Variants in OXNAD1 observed in about 807,000 individuals in gnomAD.
The protein encoded by OXNAD1 is oxidoreductase NAD binding domain containing 1.
In OXNAD1, 34 loss-of-function variants were observed where a neutral mutation model predicts 32.9. That is an observed-to-expected ratio of 1.03 (90% CI 0.79 to 1.38). OXNAD1 has a LOEUF of 1.38. OXNAD1 is among the 40% of genes most tolerant of loss of function. The probability of loss-of-function intolerance (pLI) is 0.00; values close to 1 mark genes in which losing one functional copy is unlikely to be tolerated. For missense variants in OXNAD1, 407 were observed against 379.4 expected (o/e 1.07, Z -0.60); for synonymous variants, 134 against 135.2 (o/e 0.99, Z 0.06).
At position 16,302,554 on chromosome 3, in the gene OXNAD1, G is replaced by T; in HGVS notation, c.676-86G>T. 1 of 849,356 alleles carries T rather than the reference G, an allele frequency of 1.2e-6. No individual in the cohort carries two copies. The highest frequency in any genetic ancestry group is 1.9e-6 in the Non-Finnish European group (1 of 520,640). 52.6% of individuals were successfully genotyped at this position (849,356 alleles called of 1,614,324 possible). Reference sequence around the variant, plus strand: ...GAGAGCGGCAGACGTGTGCAGAATGGGAGTTGAGGTTCAGCGTCAATGGTT... The same window carrying T: ...GAGAGCGGCAGACGTGTGCAGAATGTGAGTTGAGGTTCAGCGTCAATGGTT... On this transcript the variant is annotated intron_variant, in intron 7 of 8. Transcript: ENST00000285083. The surrounding 1 kb of genome is among the most constrained non-coding windows in gnomAD (Gnocchi z 4.2).
At chr3:16,349,391 A>C (rs2071942976) in exon 10 of OXNAD1, 1 of 152,306 alleles carries the variant, frequency 6.6e-6, no homozygotes, top group African/African-American at 2.4e-5. Context: ...GGGGTACCTG[A>C]GCCTCCAGGG....
intron 4 of OXNAD1, chr3:16,272,375 T>A (rs937050545): frequency 3.5e-5 from 8 of 231,422 alleles, no homozygotes; most frequent in Non-Finnish European, 6.2e-5. Context: ...GATTTTGCTT[T>A]TTTGAATGTT....
intron 9 of OXNAD1, among the ~76,000 whole-genome samples, chr3:16,332,163 GA>G (rs1298441808): frequency 4.0e-5 from 6 of 151,746 alleles, no homozygotes; most frequent in Non-Finnish European, 8.8e-5. Context: ...CTTCAGTTCT[GA>G]AAAATGTATT....
rs1337589517 is a variant in OXNAD1 at position 16,305,479 on chromosome 3, AT to A, written c.*1918del. Reference sequence around the variant, plus strand: ...GTCATCACCTTTGCCTGGAGTGTTCATCCTTTCAGTGCCATTATTCTGGTGC... The same window carrying A: ...GTCATCACCTTTGCCTGGAGTGTTCACCTTTCAGTGCCATTATTCTGGTGC... On this transcript the variant is annotated 3_prime_UTR_variant, in exon 9 of 9. Coordinates refer to ENST00000285083, the MANE Select transcript of OXNAD1 (RefSeq NM_138381.5). This position sits in a 1 kb window ranked among gnomAD's most constrained non-coding sequence, Gnocchi z 4.5. The A allele has an allele frequency of 6.6e-6, 1 of 152,264 alleles. No individual in the cohort carries two copies. 9.4% of individuals were successfully genotyped at this position (152,264 alleles called of 1,614,324 possible).
At chr3:16,286,152 A>T (rs1310944466) in intron 4 of OXNAD1, among the ~76,000 whole-genome samples, 190 bp from the exon 5 acceptor site, 1 of 152,242 alleles carries the variant, frequency 6.6e-6, no homozygotes, top group Non-Finnish European at 1.5e-5. Flanking sequence ...AGTCTCTCAA[A>T]AAAAAGTTAA....
chr3:16,302,850 GAA>G lies in OXNAD1; in HGVS notation c.784+103_784+104del, dbSNP rs1333014858. The G allele has an allele frequency of 5.8e-6, 5 of 860,250 alleles. No individual in the cohort carries two copies. The highest frequency in any genetic ancestry group is 9.4e-6 in the Non-Finnish European group (5 of 533,028). The allele number at this position is 860,250 out of a possible 1,614,324, so 53.3% of individuals were successfully genotyped here. On this transcript the variant is annotated intron_variant, in intron 8 of 8. Coordinates refer to ENST00000285083, the MANE Select transcript of OXNAD1 (RefSeq NM_138381.5). The surrounding 1 kb of genome is among the most constrained non-coding windows in gnomAD (Gnocchi z 4.2). The stretch of plus-strand genomic sequence containing the variant: ...TTTATTGTTGGAAGCTGCTGGCTGG[GAA>G]TGTCACTATCTGGGGAATTGGGATG...
downstream of OXNAD1, among the ~76,000 whole-genome samples, chr3:16,338,941 GCTTA>G (rs558195061): frequency 9.9e-4 from 151 of 152,314 alleles, 1 homozygote; most frequent in Admixed American, 9.4e-3. This position sits in a 1 kb window ranked among gnomAD's most constrained non-coding sequence, Gnocchi z 5.3. Context: ...ATTCCTAACA[GCTTA>G]CTGATAATCA....
In OXNAD1 at chr3:16,278,748, G is replaced by T. The variant is rs527896634; in HGVS notation, c.183+7026G>T. 2.4e-4 allele frequency among the ~76,000 whole-genome samples: 36 copies of T among 152,346 alleles called. No individual in the cohort carries two copies. The Middle Eastern group carries it at 0.014, about 58-fold the overall frequency. ...AATTGAGCAATGTGTTACTAGGCATGAGAAACGGGGGAGATACTGATGGCA... is the reference window on the plus strand; with the variant it reads ...AATTGAGCAATGTGTTACTAGGCATTAGAAACGGGGGAGATACTGATGGCA... On this transcript the variant is annotated intron_variant, in intron 4 of 8. Coordinates refer to ENST00000285083, the MANE Select transcript of OXNAD1 (RefSeq NM_138381.5).
rs1356042581 is a variant in OXNAD1, at chr3:16,303,645, T to A, written c.*83T>A. On this transcript the variant is annotated 3_prime_UTR_variant, in exon 9 of 9. Transcript: ENST00000285083. The surrounding 1 kb of genome is among the most constrained non-coding windows in gnomAD (Gnocchi z 4.8). ...CCTTTGTGGCATGATTAATTTTTTT[T>A]ATCTCTACTTGAGTTGTCTTATTTT... 7.1e-7 allele frequency: 1 copy of A among 1,415,718 alleles called. No individual in the cohort carries two copies. The highest frequency in any genetic ancestry group is 9.4e-7 in the Non-Finnish European group (1 of 1,059,406). The allele number at this position is 1,415,718 out of a possible 1,614,324, so 87.7% of individuals were successfully genotyped here.
downstream of OXNAD1, among the ~76,000 whole-genome samples, chr3:16,307,591 G>A (rs1365946334): frequency 2.0e-5 from 3 of 152,228 alleles, no homozygotes; most frequent in Non-Finnish European, 4.4e-5. Context: ...AGGAGTAATT[G>A]AGAGGAAATC....
chr3:16,289,923 G>A lies in OXNAD1; in HGVS notation c.290+3475G>A, dbSNP rs1365392124. 6.6e-6 allele frequency among the ~76,000 whole-genome samples: 1 copy of A among 152,196 alleles called. No individual in the cohort carries two copies. Among genetic ancestry groups the A allele is most frequent in the African/African-American group, 2.4e-5 (1 of 41,454 alleles). On this transcript the variant is annotated intron_variant, in intron 5 of 8. Transcript: ENST00000285083. The surrounding 1 kb of genome is among the most constrained non-coding windows in gnomAD (Gnocchi z 4.9). ...TGGGTTCATTGAGGGCAGCAACTAA[G>A]ACATATGTGCATCTTTGTACCTCCA...
rs967091601 is a variant in OXNAD1, at chr3:16,303,225, G to A, written c.785-183G>A. ...TTGCTTGCTTAGGTTTAGGAAGCCT[G>A]GAGATGCACTCTGCTTGGGTCTGGG... On this transcript the variant is annotated intron_variant, in intron 8 of 8. Transcript: ENST00000285083. The surrounding 1 kb of genome is among the most constrained non-coding windows in gnomAD (Gnocchi z 4.8). Among the ~76,000 whole-genome samples the A allele has an allele frequency of 6.6e-6, 1 of 152,198 alleles. No homozygotes were observed. The highest frequency in any genetic ancestry group is 2.4e-5 in the African/African-American group (1 of 41,442).
At chr3:16,338,371 C>T (rs1188088184), downstream of OXNAD1, among the ~76,000 whole-genome samples, 2 of 152,214 alleles carry the variant, frequency 1.3e-5, no homozygotes, top group Non-Finnish European at 2.9e-5. This position sits in a 1 kb window ranked among gnomAD's most constrained non-coding sequence, Gnocchi z 5.3. Context: ...CCAACTCTGA[C>T]CCGTAGCAGG....
rs528179470 is a variant in OXNAD1 at position 16,295,625 on chromosome 3, G to A, written c.432+628G>A. ...TGAGCTCAGAACAGATCAGTTACTC[G>A]TTGTCTTAGTTTTTGACCCTTCTAT... On this transcript the variant is annotated intron_variant, in intron 6 of 8. Coordinates refer to ENST00000285083, the MANE Select transcript of OXNAD1 (RefSeq NM_138381.5). Among the ~76,000 whole-genome samples the A allele has an allele frequency of 3.3e-5, 5 of 152,210 alleles. No individual in the cohort carries two copies. In the South Asian group the frequency reaches 8.3e-4, roughly 25 times the overall value.
chr3:16,316,471 T>A lies in OXNAD1; in HGVS notation c.*30+12879T>A, dbSNP rs842424. 0.35 allele frequency: 109,809 copies of A among 309,928 alleles called. 20,609 individuals are homozygous for A. Among genetic ancestry groups the A allele is most frequent in the East Asian group, 0.43 (4,080 of 9,528 alleles). 19.2% of individuals were successfully genotyped at this position (309,928 alleles called of 1,614,324 possible). The stretch of plus-strand genomic sequence containing the variant: ...GTTTGTAGCCCAGGGTGTCCATGGA[T>A]TTGACCCGAATGCTCCCTGGAGGCC... On this transcript the variant is annotated intron_variant, in intron 9 of 9. Transcript: ENST00000435829. The surrounding 1 kb of genome is among the most constrained non-coding windows in gnomAD (Gnocchi z 4.5).
chr3:16,301,726 G>T lies in OXNAD1; in HGVS notation c.533G>T (p.Gly178Val). The change falls in exon 7 of 9, where the codon GGA (glycine) becomes GTA (valine). Residue 178 changes from glycine (G) to valine (V), a missense_variant. Coordinates refer to ENST00000285083, the MANE Select transcript of OXNAD1 (RefSeq NM_138381.5). This position sits in a 1 kb window ranked among gnomAD's most constrained non-coding sequence, Gnocchi z 4.1. ...AGAAACCTCGTGTTGATTGCAGGAGGAGTCGGAATTAACCCTCTGCTTTCC... is the reference window on the plus strand; with the variant it reads ...AGAAACCTCGTGTTGATTGCAGGAGTAGTCGGAATTAACCCTCTGCTTTCC... ...ASRNLVLIAG[G>V]VGINPLLSIL... 6.2e-7 allele frequency: 1 copy of T among 1,614,014 alleles called. No individual in the cohort carries two copies. The highest frequency in any genetic ancestry group is 8.5e-7 in the Non-Finnish European group (1 of 1,179,970).
intron 4 of OXNAD1, among the ~76,000 whole-genome samples, chr3:16,283,488 T>A (rs2065885809): frequency 2.0e-5 from 3 of 152,238 alleles, no homozygotes; most frequent in Non-Finnish European, 2.9e-5. Context: ...GGATATAATA[T>A]GATTATTCAT....
At chr3:16,291,586 T>C (rs978363967) in intron 5 of OXNAD1, among the ~76,000 whole-genome samples, 1 of 152,374 alleles carries the variant, frequency 6.6e-6, no homozygotes, top group Non-Finnish European at 1.5e-5. Flanking sequence ...GTAGCCTGTA[T>C]CAGTACTTCA....
chr3:16,311,608 A>G (rs970513978), intron 9 of OXNAD1, among the ~76,000 whole-genome samples: 3 of 152,118 alleles, frequency 2.0e-5, no homozygotes, highest in Admixed American at 2.0e-4. Context: ...GGTAGCTTCA[A>G]TACCTCCCTC....
Sources: gnomAD v4.1 joint callset for allele counts (sites outside exome capture counted in the v4.1 genomes callset) on GRCh38, gnomAD v4.1.1 for gene constraint, Gnocchi (gnomAD v3.1) non-coding constraint, MANE v1.5 for transcripts, NCBI Gene and HGNC (gene_info 2026-07-23, HGNC 2026-07-21) for gene names.